The following BLTP3A variants were observed in gnomAD, a reference collection of about 807,000 sequenced individuals.
BLTP3A encodes ICBP90 binding protein 1.
chr6:34,861,880 T>G, the BLTP3A span, among the ~76,000 whole-genome samples: 1 of 152,226 alleles, frequency 6.6e-6, no homozygotes, highest in Non-Finnish European at 1.5e-5. Context: ...CCACTTCCCC[T>G]GGCTGAATAC....
chr6:34,844,764 G>C, the BLTP3A span, among the ~76,000 whole-genome samples: 20,212 of 152,100 alleles, frequency 0.13, 1,538 homozygotes, highest in African/African-American at 0.2. Flanking sequence ...TCCCTTGCCA[G>C]ATGAATAGTT....
At chr6:34,819,304 C>A in the BLTP3A span, among the ~76,000 whole-genome samples, 1 of 120,808 alleles carries the variant, frequency 8.3e-6, no homozygotes, top group Non-Finnish European at 1.7e-5. Context: ...TCCCTCCCCC[C>A]TCCCCCCACC....
the BLTP3A span, chr6:34,857,783 A>G: frequency 6.2e-7 from 1 of 1,614,144 alleles, no homozygotes; most frequent in Non-Finnish European, 8.5e-7. Flanking sequence ...GGATCCTGTC[A>G]GTTTGCTCTG....
chr6:34,856,369 C>T, the BLTP3A span: 2 of 1,614,176 alleles, frequency 1.2e-6, no homozygotes, highest in East Asian at 2.2e-5. Context: ...TGAAACCACC[C>T]TGGCACCTTG....
At chr6:34,840,541 G>A in the BLTP3A span, among the ~76,000 whole-genome samples, 44 of 151,142 alleles carry the variant, frequency 2.9e-4, no homozygotes, top group South Asian at 9.0e-3. Context: ...ACTCCAGCCT[G>A]GGGGACAAGA....
chr6:34,795,755 G>A, the BLTP3A span, among the ~76,000 whole-genome samples: 3 of 152,036 alleles, frequency 2.0e-5, no homozygotes, highest in African/African-American at 7.3e-5. Flanking sequence ...CACATTCCTT[G>A]GCGAACACAG....
At chr6:34,821,435 C>CCGT in the BLTP3A span, 7 of 508,996 alleles carry the variant, frequency 1.4e-5, no homozygotes, top group South Asian at 8.0e-5. Context: ...GGTCTGAGTG[C>CCGT]ATTTGTTCTG....
At chr6:34,860,109 T>C in the BLTP3A span, among the ~76,000 whole-genome samples, 1 of 152,170 alleles carries the variant, frequency 6.6e-6, no homozygotes, top group African/African-American at 2.4e-5. Flanking sequence ...CTCATAGATA[T>C]CCTATATCTT....
chr6:34,850,280 A>G, the BLTP3A span, among the ~76,000 whole-genome samples: 1 of 152,044 alleles, frequency 6.6e-6, no homozygotes, highest in Admixed American at 6.6e-5. Context: ...AGCTTTTAGG[A>G]TCCTTTCTCT....
chr6:34,849,765 A>T, the BLTP3A span, among the ~76,000 whole-genome samples: 6 of 152,326 alleles, frequency 3.9e-5, no homozygotes, highest in South Asian at 1.2e-3. Flanking sequence ...TCTGGTGTTG[A>T]TGAAATCCAG....
At chr6:34,792,773 T>G in the BLTP3A span, among the ~76,000 whole-genome samples, 5 of 152,184 alleles carry the variant, frequency 3.3e-5, no homozygotes, top group South Asian at 2.1e-4. Flanking sequence ...CTCTCCCAGA[T>G]CCTATGCCCC....
the BLTP3A span, chr6:34,858,390 G>C: frequency 6.2e-7 from 1 of 1,614,112 alleles, no homozygotes; most frequent in Non-Finnish European, 8.5e-7. Flanking sequence ...GCCTGCCTCA[G>C]CCTAATACCC....
chr6:34,871,754 C>T, the BLTP3A span: 3 of 1,610,582 alleles, frequency 1.9e-6, no homozygotes, highest in African/African-American at 2.7e-5. Flanking sequence ...GAATAGGTGA[C>T]ACCTAGGAAC....
the BLTP3A span, chr6:34,877,265 A>T: frequency 6.5e-6 from 1 of 152,682 alleles, no homozygotes. Flanking sequence ...CCTCCCTATG[A>T]CACTGAATGG....
chr6:34,846,266 TCTGGAGTA>T, the BLTP3A span, among the ~76,000 whole-genome samples: 1 of 151,624 alleles, frequency 6.6e-6, no homozygotes, highest in Non-Finnish European at 1.5e-5. Context: ...TGCCTCAGCC[TCTGGAGTA>T]GCCGAGAATA....
At chr6:34,823,409 T>TA in the BLTP3A span, 2 of 1,412,550 alleles carry the variant, frequency 1.4e-6, no homozygotes, top group African/African-American at 2.9e-5. Context: ...CCCTTTTAGT[T>TA]AAAAAATAAA....
chr6:34,821,761 G>A, the BLTP3A span: 2 of 1,614,166 alleles, frequency 1.2e-6, no homozygotes, highest in Non-Finnish European at 1.7e-6. Flanking sequence ...ATGTACTGGA[G>A]CTGCCCACCT....
the BLTP3A span, among the ~76,000 whole-genome samples, chr6:34,806,551 G>A: frequency 6.6e-6 from 1 of 152,120 alleles, no homozygotes; most frequent in East Asian, 1.9e-4. Context: ...AGAAACTAAC[G>A]ACAGCCTTAC....
chr6:34,841,256 A>G, the BLTP3A span, among the ~76,000 whole-genome samples: 1 of 152,000 alleles, frequency 6.6e-6, no homozygotes, highest in African/African-American at 2.4e-5. Context: ...TTCAGTAGCA[A>G]TGGGGTTTCA....
Sources: allele counts gnomAD v4.1 joint callset (sites outside exome capture counted in the v4.1 genomes callset), GRCh38; gene constraint gnomAD v4.1.1; transcripts MANE v1.5; gene names NCBI Gene and HGNC (gene_info 2026-07-23, HGNC 2026-07-21).